Variants in SLC16A7 observed in about 807,000 individuals in gnomAD.
SLC16A7 encodes the protein solute carrier family 16 member 7.
In SLC16A7, 33 loss-of-function variants were observed where a neutral mutation model predicts 34.9. The observed-to-expected ratio is 0.94, with a 90% CI of 0.72 to 1.26. The LOEUF (loss-of-function observed/expected upper bound fraction) is 1.26, where lower values mean the gene tolerates loss of function less well. SLC16A7 is among the 50% of genes most tolerant of loss of function. The pLI, the probability that SLC16A7 is intolerant of heterozygous loss-of-function variation, is 0.00. For missense variants in SLC16A7, 573 were observed against 578.1 expected, an observed-to-expected ratio of 0.99 and a Z score of 0.09; for synonymous variants, 201 against 206.6, an observed-to-expected ratio of 0.97 and a Z score of 0.23.
chr12:59,681,825 C>T (rs998271716), intron 2 of SLC16A7, among the ~76,000 whole-genome samples: 1 of 152,186 alleles, frequency 6.6e-6, no homozygotes, highest in African/African-American at 2.4e-5. Context: ...GCATTCAGGT[C>T]ATTTTTTCTT....
In SLC16A7 at chr12:59,628,428, A is replaced by C. The variant is rs529665017; in HGVS notation, c.-129-26724A>C. ...TCTTTATATCTGAAATGATTTATCCAATCTTCTTCTCTAAGTTCTTGACTT... is the reference window on the plus strand; with the variant it reads ...TCTTTATATCTGAAATGATTTATCCCATCTTCTTCTCTAAGTTCTTGACTT... On this transcript the variant is annotated intron_variant, in intron 1 of 5. Transcript: ENST00000547379. 3.9e-5 allele frequency among the ~76,000 whole-genome samples: 6 copies of C among 151,978 alleles called. No homozygotes were observed. In the East Asian group the frequency reaches 1.2e-3, roughly 30 times the overall value.
At position 59,786,457 on chromosome 12, in the gene SLC16A7, C is replaced by A. The variant is rs1883630170; in HGVS notation, c.*6778C>A. 1.3e-5 allele frequency: 2 copies of A among 152,058 alleles called. No homozygotes were observed. The highest frequency in any genetic ancestry group is 4.1e-4 in the South Asian group (2 of 4,820). The allele number at this position is 152,058 out of a possible 1,614,324, so 9.4% of individuals were successfully genotyped here. ...CTCAAGAGTACATATTTCTGACAAG[C>A]TTTTCAATGGTACGATGGATTTTAT... On this transcript the variant is annotated 3_prime_UTR_variant, in exon 6 of 6. Coordinates refer to ENST00000547379, the MANE Select transcript of SLC16A7 (RefSeq NM_001270623.2).
At chr12:59,693,077 A>T (rs1871866160) in intron 2 of SLC16A7, among the ~76,000 whole-genome samples, 1 of 151,982 alleles carries the variant, frequency 6.6e-6, no homozygotes, top group African/African-American at 2.4e-5. Context: ...CATTTAGGTG[A>T]AAACATAATA....
chr12:59,750,511 T>A (rs1477429388), intron 3 of SLC16A7, among the ~76,000 whole-genome samples: 3 of 152,192 alleles, frequency 2.0e-5, no homozygotes, highest in Non-Finnish European at 4.4e-5. Flanking sequence ...CACAATGAGA[T>A]ACCATCTCAT....
intron 3 of SLC16A7, chr12:59,761,345 T>C (rs1844752566): frequency 3.2e-6 from 1 of 312,086 alleles, no homozygotes; most frequent in African/African-American, 2.2e-5. Context: ...GTAAATGTAC[T>C]ACTTAAGTTA....
chr12:59,624,891 G>T (rs1302388293), intron 1 of SLC16A7, among the ~76,000 whole-genome samples: 1 of 151,604 alleles, frequency 6.6e-6, no homozygotes, highest in African/African-American at 2.4e-5. Flanking sequence ...CTGGCCCTGG[G>T]CTTTGTGGCT....
intron 2 of SLC16A7, among the ~76,000 whole-genome samples, chr12:59,698,467 A>T (rs1054340896): frequency 2.6e-5 from 4 of 151,808 alleles, no homozygotes; most frequent in African/African-American, 9.7e-5. Flanking sequence ...TGAAATGAAG[A>T]TGTCTTACAC....
chr12:59,631,065 C>G (rs1211354572), intron 1 of SLC16A7, among the ~76,000 whole-genome samples: 2 of 151,834 alleles, frequency 1.3e-5, no homozygotes, highest in Non-Finnish European at 2.9e-5. Context: ...GTTACGGTGG[C>G]AAGGGTGAGG....
intron 2 of SLC16A7, among the ~76,000 whole-genome samples, chr12:59,684,729 G>GA (rs1382681425): frequency 6.6e-6 from 1 of 152,048 alleles, no homozygotes; most frequent in Non-Finnish European, 1.5e-5. Flanking sequence ...GATATAGGAG[G>GA]AAAGGTCAAG....
At chr12:59,742,088 C>T (rs1426550325) in intron 3 of SLC16A7, among the ~76,000 whole-genome samples, 5 of 152,122 alleles carry the variant, frequency 3.3e-5, no homozygotes, top group Non-Finnish European at 5.9e-5. Flanking sequence ...TGATTCTTCC[C>T]TTAGGGTGGG....
chr12:59,613,860 G>A (rs546231606), intron 1 of SLC16A7, among the ~76,000 whole-genome samples: 1 of 152,222 alleles, frequency 6.6e-6, no homozygotes, highest in South Asian at 2.1e-4. Flanking sequence ...ATGTAAATGA[G>A]GTATTTCTGT....
intron 1 of SLC16A7, among the ~76,000 whole-genome samples, chr12:59,623,046 CTGTGTGTGTG>C (rs57399813): frequency 0.15 from 20,877 of 134,912 alleles, 2,086 homozygotes; most frequent in East Asian, 0.6. Flanking sequence ...CTACTGAATG[CTGTGTGTGTG>C]TGTGTGTGTG....
chr12:59,608,590 A>T (rs1879049524), intron 1 of SLC16A7, among the ~76,000 whole-genome samples: 1 of 152,214 alleles, frequency 6.6e-6, no homozygotes, highest in East Asian at 1.9e-4. Flanking sequence ...TGGGGAGAGC[A>T]TTAATTAAAC....
intron 5 of SLC16A7, among the ~76,000 whole-genome samples, chr12:59,778,853 T>C (rs1883010654): frequency 6.6e-6 from 1 of 152,102 alleles, no homozygotes; most frequent in African/African-American, 2.4e-5. Flanking sequence ...ACTAGCTACA[T>C]AACCATGCCC....
intron 2 of SLC16A7, among the ~76,000 whole-genome samples, chr12:59,658,275 C>T (rs1164887642): frequency 1.3e-5 from 2 of 151,976 alleles, no homozygotes; most frequent in African/African-American, 2.4e-5. Context: ...TTCTCCCACA[C>T]TTCACTAATT....
At chr12:59,681,651 T>C (rs938249201) in intron 2 of SLC16A7, among the ~76,000 whole-genome samples, 3 of 152,038 alleles carry the variant, frequency 2.0e-5, no homozygotes, top group Non-Finnish European at 4.4e-5. Context: ...GAATGAAGAG[T>C]AGTTCTCACC....
chr12:59,707,578 G>A (rs1195796349), intron 3 of SLC16A7, among the ~76,000 whole-genome samples: 1 of 151,974 alleles, frequency 6.6e-6, no homozygotes, highest in East Asian at 1.9e-4. Flanking sequence ...AATTCATGAA[G>A]AAAATGGTAG....
chr12:59,724,025 T>C (rs1875939826), intron 3 of SLC16A7, among the ~76,000 whole-genome samples: 7 of 152,038 alleles, frequency 4.6e-5, no homozygotes. Flanking sequence ...TATAATGTCG[T>C]TGGCCTACCG....
At chr12:59,633,028 G>T (rs931681321) in intron 1 of SLC16A7, among the ~76,000 whole-genome samples, 1 of 151,944 alleles carries the variant, frequency 6.6e-6, no homozygotes, top group African/African-American at 2.4e-5. Context: ...CCAGGCCTTG[G>T]TTGCATTGAA....
Sources: gnomAD v4.1 joint callset for allele counts (sites outside exome capture counted in the v4.1 genomes callset) on GRCh38, gnomAD v4.1.1 for gene constraint, MANE v1.5 for transcripts, NCBI Gene and HGNC (gene_info 2026-07-23, HGNC 2026-07-21) for gene names.